GRK5: variants seen among roughly 807,000 people sequenced by gnomAD.
GRK5 encodes the protein G protein-coupled receptor kinase 5, also known as g protein-coupled receptor kinase GRK5.
GRK5 carries 40 observed loss-of-function variants against 78.4 expected under a neutral mutation model. That is an observed-to-expected ratio of 0.51 (90% CI 0.40 to 0.66). GRK5 has a LOEUF of 0.66. Among genes scored for constraint, GRK5 ranks in the 30% least tolerant of loss-of-function variants. GRK5 has a pLI of 0.00. For synonymous variants in GRK5, 289 were observed against 296.8 expected, an observed-to-expected ratio of 0.97 and a Z score of 0.27; for missense variants, 598 against 759.9, an observed-to-expected ratio of 0.79 and a Z score of 2.50.
At chr10:119,397,323 G>C (rs1852071483) in intron 4 of GRK5, among the ~76,000 whole-genome samples, 1 of 152,182 alleles carries the variant, frequency 6.6e-6, no homozygotes, top group Admixed American at 6.5e-5. Flanking sequence ...TTGTCCTCAG[G>C]GTCCAGCAGC....
chr10:119,400,430 T>C (rs1852130479), intron 4 of GRK5, among the ~76,000 whole-genome samples: 1 of 152,134 alleles, frequency 6.6e-6, no homozygotes, highest in African/African-American at 2.4e-5. Context: ...ATTGGCAGAA[T>C]TGTGGGGGAG....
At chr10:119,413,846 C>T (rs1852391093) in intron 4 of GRK5, among the ~76,000 whole-genome samples, 1 of 152,174 alleles carries the variant, frequency 6.6e-6, no homozygotes, top group South Asian at 2.1e-4. Context: ...CTCAGGCGCC[C>T]ACAGCAGCCT....
At chr10:119,254,991 A>T (rs1849256937) in intron 1 of GRK5, among the ~76,000 whole-genome samples, 1 of 141,730 alleles carries the variant, frequency 7.1e-6, no homozygotes, top group African/African-American at 2.6e-5. Context: ...GGAAGCCGAG[A>T]TTGCGCCATT....
intron 3 of GRK5, among the ~76,000 whole-genome samples, chr10:119,386,453 AG>A (rs1436088188): frequency 6.6e-6 from 1 of 152,130 alleles, no homozygotes; most frequent in Non-Finnish European, 1.5e-5. Flanking sequence ...CAGTTTGAAA[AG>A]GGGGGAAAAA....
In GRK5 at chr10:119,336,514, T is replaced by C. The variant is rs950800832; in HGVS notation, c.148+9903T>C. 2.0e-5 allele frequency among the ~76,000 whole-genome samples: 3 copies of C among 152,198 alleles called. No homozygotes were observed. The highest frequency in any genetic ancestry group is 4.4e-5 in the Non-Finnish European group (3 of 68,036). ...AAAAATCAAATGAATAAAGACCAAA[T>C]ACCCTGCCTGATTCCACAGTGGGGC... On this transcript the variant is annotated intron_variant, in intron 2 of 15. Coordinates refer to ENST00000392870, the MANE Select transcript of GRK5 (RefSeq NM_005308.3). The surrounding 1 kb of genome is among the most constrained non-coding windows in gnomAD (Gnocchi z 4.5).
chr10:119,394,302 C>G lies in GRK5; in HGVS notation c.262-2393C>G, dbSNP rs1277166793. On this transcript the variant is annotated intron_variant, in intron 3 of 15. Transcript: ENST00000392870. Reference sequence around the variant, plus strand: ...TGTGTGTGGGTGTGTATCTGTGTGTCTGTGTGGGCACGTGGGTGTGTGTAT... The same window carrying G: ...TGTGTGTGGGTGTGTATCTGTGTGTGTGTGTGGGCACGTGGGTGTGTGTAT... Among the ~76,000 whole-genome samples the G allele has an allele frequency of 7.3e-3, 276 of 37,570 alleles. 1 individual carries two copies. The highest frequency in any genetic ancestry group is 8.9e-3 in the South Asian group (7 of 786). The allele number at this position is 37,570 out of a possible 152,430, so 24.6% of individuals were successfully genotyped here. A position where few individuals can be genotyped will look rare whatever the true frequency, so the allele number is the denominator to read the frequency against.
chr10:119,415,938 C>T (rs999416432), intron 4 of GRK5, among the ~76,000 whole-genome samples: 3 of 152,216 alleles, frequency 2.0e-5, no homozygotes, highest in Middle Eastern at 3.2e-3. Context: ...CTGATCTCCA[C>T]CTCCTCCGCC....
intron 3 of GRK5, among the ~76,000 whole-genome samples, chr10:119,389,025 C>A (rs1851844332): frequency 6.6e-6 from 1 of 152,204 alleles, no homozygotes; most frequent in African/African-American, 2.4e-5. Flanking sequence ...TAATATCATA[C>A]TGGTGGCACT....
intron 6 of GRK5, among the ~76,000 whole-genome samples, chr10:119,426,491 G>A (rs1174656024): frequency 6.6e-6 from 1 of 152,064 alleles, no homozygotes; most frequent in Non-Finnish European, 1.5e-5. Flanking sequence ...GGTCACTCAC[G>A]ACTCTACACC....
chr10:119,366,549 C>T (rs969056427), intron 2 of GRK5, among the ~76,000 whole-genome samples: 5 of 152,102 alleles, frequency 3.3e-5, no homozygotes, highest in East Asian at 1.9e-4. Context: ...GGAAGAGCAA[C>T]GGAAGAAAGG....
rs73450531 is a variant in GRK5 at position 119,265,140 on chromosome 10, T to A, written c.52+57171T>A. 2.7e-3 allele frequency among the ~76,000 whole-genome samples: 407 copies of A among 152,358 alleles called. 1 individual carries two copies. Among genetic ancestry groups the A allele is most frequent in the Middle Eastern group, 0.01 (3 of 294 alleles). On this transcript the variant is annotated intron_variant, in intron 1 of 15. Transcript: ENST00000392870. Reference sequence around the variant, plus strand: ...TATCTCAAAGTGCTCCCCACCAGCCTTTAATTTTGGGGGCCTGCTCAGGTG... The same window carrying A: ...TATCTCAAAGTGCTCCCCACCAGCCATTAATTTTGGGGGCCTGCTCAGGTG...
chr10:119,446,868 G>T (rs1288612174), intron 12 of GRK5, among the ~76,000 whole-genome samples: 1 of 152,228 alleles, frequency 6.6e-6, no homozygotes, highest in African/African-American at 2.4e-5. Context: ...AGCCGGTGCA[G>T]TGCCTGCCCC....
intron 1 of GRK5, among the ~76,000 whole-genome samples, chr10:119,218,185 C>G (rs1401798629): frequency 1.3e-5 from 2 of 151,816 alleles, no homozygotes; most frequent in Non-Finnish European, 2.9e-5. Context: ...CCTTGGGGGT[C>G]CACAGTCAGA....
chr10:119,234,480 A>C (rs1403617641), intron 1 of GRK5, among the ~76,000 whole-genome samples: 1 of 152,248 alleles, frequency 6.6e-6, no homozygotes, highest in African/African-American at 2.4e-5. Flanking sequence ...ATCTTGCCCA[A>C]GTTCCACCGT....
chr10:119,341,243 A>C (rs2083221569), intron 2 of GRK5, among the ~76,000 whole-genome samples: 1 of 152,126 alleles, frequency 6.6e-6, no homozygotes, highest in South Asian at 2.1e-4. Context: ...AGCAGCCAGG[A>C]GGCTCTTTCT....
At chr10:119,438,080 C>T (rs1448665084) in intron 9 of GRK5, among the ~76,000 whole-genome samples, 1 of 152,224 alleles carries the variant, frequency 6.6e-6, no homozygotes, top group Non-Finnish European at 1.5e-5. Context: ...CAGAGTGAGA[C>T]TCCGTCTCAA....
chr10:119,387,812 A>T (rs919670439), intron 3 of GRK5, among the ~76,000 whole-genome samples: 2 of 152,150 alleles, frequency 1.3e-5, no homozygotes, highest in African/African-American at 4.8e-5. Context: ...AACCAGATTC[A>T]CCCAGGGCAC....
chr10:119,230,349 A>C (rs1848805337), intron 1 of GRK5, among the ~76,000 whole-genome samples: 1 of 152,152 alleles, frequency 6.6e-6, no homozygotes, highest in Non-Finnish European at 1.5e-5. Flanking sequence ...TGATAAAGAC[A>C]TACCTGAGAC....
chr10:119,358,644 G>T (rs1851306560), intron 2 of GRK5, among the ~76,000 whole-genome samples: 1 of 152,160 alleles, frequency 6.6e-6, no homozygotes, highest in Non-Finnish European at 1.5e-5. Context: ...GGAAACTAAG[G>T]CCCAGGGATT....
Sources: gnomAD v4.1 joint callset for allele counts (sites outside exome capture counted in the v4.1 genomes callset) on GRCh38, gnomAD v4.1.1 for gene constraint, Gnocchi (gnomAD v3.1) non-coding constraint, MANE v1.5 for transcripts, NCBI Gene and HGNC (gene_info 2026-07-23, HGNC 2026-07-21) for gene names.